Variants in KCTD19 observed in about 807,000 individuals in gnomAD.
KCTD19 encodes BTB/POZ domain-containing protein KCTD19.
In KCTD19, 67 loss-of-function variants were observed where a neutral mutation model predicts 103.5. That is an observed-to-expected ratio of 0.65 (90% CI 0.53 to 0.79). The LOEUF (loss-of-function observed/expected upper bound fraction) is 0.79, where lower values mean the gene tolerates loss of function less well. Ranked by LOEUF, KCTD19 falls within the 30% of genes least tolerant of loss-of-function variation. KCTD19 has a pLI of 0.00. For missense variants in KCTD19, 980 were observed against 1,136.1 expected (o/e 0.86, Z 1.98); for synonymous variants, 439 against 452.2 (o/e 0.97, Z 0.37).
chr16:67,307,298 A>T (rs1486827714), intron 2 of KCTD19, among the ~76,000 whole-genome samples: 1 of 150,328 alleles, frequency 6.7e-6, no homozygotes, highest in East Asian at 1.9e-4. Context: ...ACAGGTGCAC[A>T]TCACAACACC....
chr16:67,299,264 A>T (rs1269850892), intron 6 of KCTD19, 99 bp downstream of exon 6: 1 of 1,098,244 alleles, frequency 9.1e-7, no homozygotes, highest in Non-Finnish European at 1.4e-6. Context: ...CCAAGGACAC[A>T]CTTCACCTCT....
At position 67,294,056 on chromosome 16, in the gene KCTD19, C is replaced by T. The variant is rs752833909; in HGVS notation, c.1706G>A (p.Arg569Gln). ...NQMDEAEQYT[R>Q]PIQVSLCRNA... ...TCGGCATAGGGACACCTGGATGGGC[C>T]GAGTGTACTGCTCAGCCTCATCCAT... Residue 569 changes from arginine to glutamine, a missense_variant, in exon 12 of 16, where the codon CGG becomes CAG. Coordinates refer to ENST00000304372, the MANE Select transcript of KCTD19 (RefSeq NM_001100915.3). 8.1e-6 allele frequency: 13 copies of T among 1,614,000 alleles called. No individual in the cohort carries two copies. In the East Asian group the frequency reaches 1.3e-4, roughly 17 times the overall value.
In KCTD19 at chr16:67,293,129, G is replaced by T. The variant is rs148406985; in HGVS notation, c.2218+415C>A. Among the ~76,000 whole-genome samples the T allele has an allele frequency of 2.0e-5, 3 of 152,168 alleles. No homozygotes were observed. Among genetic ancestry groups the T allele is most frequent in the Non-Finnish European group, 1.5e-5 (1 of 68,038 alleles). ...CATCCTGGTCAGAATGGAGTACCAC[G>T]TCCTGAAGCTGGCCCACGAGGCCTG... On this transcript the variant is annotated intron_variant, in intron 12 of 15. Transcript: ENST00000304372. The surrounding 1 kb of genome is among the most constrained non-coding windows in gnomAD (Gnocchi z 4.0).
chr16:67,320,756 C>G lies in KCTD19; in HGVS notation c.133G>C (p.Ala45Pro), dbSNP rs769509958. ...CTCTGGCTTTCTGAAGAGGTCAAGG[C>G]TGAAGCCTCTTTCCACAGCAGGGAG... Reference protein sequence around the residue: ...PDSLLWKEASALTSSESQRLF... With the variant: ...PDSLLWKEASPLTSSESQRLF... The change falls in exon 2 of 16, where the codon GCC becomes CCC. Residue 45 changes from alanine (A) to proline (P), a missense_variant. Coordinates refer to ENST00000304372, the MANE Select transcript of KCTD19 (RefSeq NM_001100915.3). This position sits in a 1 kb window ranked among gnomAD's most constrained non-coding sequence, Gnocchi z 4.0. 1.2e-6 allele frequency: 2 copies of G among 1,614,068 alleles called. No homozygotes were observed. The highest frequency in any genetic ancestry group is 2.7e-5 in the African/African-American group (2 of 74,926).
In KCTD19 at chr16:67,304,456, G is replaced by T. The variant is rs2036870039; in HGVS notation, c.416C>A (p.Pro139His). Residue 139 changes from proline (P) to histidine (H), a missense_variant, in exon 3 of 16, where the codon CCC becomes CAC. Pro to His is a moderately conservative substitution (Grantham distance 77). Transcript: ENST00000304372. ...YWRTWKCISKPSEFPIKSPAF... is the reference protein window; with the variant it reads ...YWRTWKCISKHSEFPIKSPAF... ...TGGGCTTTTAATTGGAAATTCTGAG[G>T]GTTTGCTAATACACTTCCATGTACG... 1.2e-6 allele frequency: 2 copies of T among 1,613,848 alleles called. No homozygotes were observed. Among genetic ancestry groups the T allele is most frequent in the African/African-American group, 1.3e-5 (1 of 74,896 alleles).
chr16:67,293,696 T>G lies in KCTD19; in HGVS notation c.2066A>C (p.His689Pro), dbSNP rs2036727190. The change falls in exon 12 of 16, where the codon CAT (histidine) becomes CCT (proline). Residue 689 changes from histidine to proline, a missense_variant. Transcript: ENST00000304372. The surrounding 1 kb of genome is among the most constrained non-coding windows in gnomAD (Gnocchi z 4.0). ...QPSTSAAWKAHSTASEKDPGP... is the reference protein window; with the variant it reads ...QPSTSAAWKAPSTASEKDPGP... ...TGGATCCTTCTCTGAGGCTGTGGAATGGGCTTTCCAGGCAGCTGAGGTGCT... is the reference window on the plus strand; with the variant it reads ...TGGATCCTTCTCTGAGGCTGTGGAAGGGGCTTTCCAGGCAGCTGAGGTGCT... The G allele has an allele frequency of 1.2e-6, 2 of 1,614,106 alleles. No homozygotes were observed. The highest frequency in any genetic ancestry group is 1.7e-6 in the Non-Finnish European group (2 of 1,180,020).
intron 2 of KCTD19, among the ~76,000 whole-genome samples, chr16:67,313,149 G>A (rs1440722712): frequency 1.3e-5 from 2 of 149,826 alleles, no homozygotes; most frequent in Admixed American, 6.7e-5. Flanking sequence ...TCCCTCAGTC[G>A]CCCAGGCTGG....
intron 2 of KCTD19, among the ~76,000 whole-genome samples, chr16:67,311,588 A>G (rs1452903195): frequency 6.6e-6 from 1 of 152,102 alleles, no homozygotes; most frequent in African/African-American, 2.4e-5. Context: ...GGCGCGAGCC[A>G]CCGTCCCCAG....
intron 1 of KCTD19, among the ~76,000 whole-genome samples, chr16:67,324,976 G>GT (rs1340615323): frequency 6.6e-6 from 1 of 152,152 alleles, no homozygotes; most frequent in African/African-American, 2.4e-5. Flanking sequence ...AAGGCTGAAT[G>GT]TAACAAATGG....
chr16:67,319,124 G>A (rs1281756685), intron 2 of KCTD19, among the ~76,000 whole-genome samples: 1 of 152,010 alleles, frequency 6.6e-6, no homozygotes, highest in African/African-American at 2.4e-5. Flanking sequence ...TCAGGAGGCT[G>A]AGGCAGGAGA....
At chr16:67,318,174 C>T (rs2037032310) in intron 2 of KCTD19, among the ~76,000 whole-genome samples, 1 of 152,136 alleles carries the variant, frequency 6.6e-6, no homozygotes. Context: ...GGAGGCAGAG[C>T]CACATGATTC....
rs1242525486 is a variant in KCTD19, at chr16:67,297,496, C to T, written c.1147+7G>A. 1.9e-6 allele frequency: 3 copies of T among 1,613,728 alleles called. No individual in the cohort carries two copies. Among genetic ancestry groups the T allele is most frequent in the East Asian group, 2.2e-5 (1 of 44,878 alleles). On this transcript the variant is annotated splice_region_variant and intron_variant, in intron 7 of 15. Coordinates refer to ENST00000304372, the MANE Select transcript of KCTD19 (RefSeq NM_001100915.3). ...CTAAATTCAAACCTAGAAGCTTTCT[C>T]ACTTACTGAGCACATCCATGGGTGC...
At chr16:67,313,040 C>T (rs1347303458) in intron 2 of KCTD19, among the ~76,000 whole-genome samples, 1 of 152,120 alleles carries the variant, frequency 6.6e-6, no homozygotes, top group Non-Finnish European at 1.5e-5. Flanking sequence ...TGAGAGCAGC[C>T]ATAGACAACA....
Position 67,290,767 on chromosome 16 carries a change from T to C in KCTD19, c.2667+118A>G, listed in dbSNP as rs928549861. ...TTCTCCCTCCCTGGGAGCAGTGGCC[T>C]AAGCTGCCTGTCTAGCCTTCTGGGC... On this transcript the variant is annotated intron_variant, in intron 15 of 15. Coordinates refer to ENST00000304372, the MANE Select transcript of KCTD19 (RefSeq NM_001100915.3). The C allele has an allele frequency of 2.4e-5, 21 of 870,762 alleles. No individual in the cohort carries two copies. In the African/African-American group the frequency reaches 3.4e-4, roughly 14 times the overall value. 53.9% of individuals were successfully genotyped at this position (870,762 alleles called of 1,614,324 possible).
At chr16:67,315,408 C>T (rs189291580) in intron 2 of KCTD19, among the ~76,000 whole-genome samples, 60 of 151,854 alleles carry the variant, frequency 4.0e-4, no homozygotes, top group Admixed American at 8.5e-4. Flanking sequence ...TGGATTCAAG[C>T]GACACTCCTG....
At chr16:67,304,012 A>G (rs2036864715) in intron 3 of KCTD19, among the ~76,000 whole-genome samples, 1 of 152,244 alleles carries the variant, frequency 6.6e-6, no homozygotes, top group South Asian at 2.1e-4. Context: ...CCTGGAAGCT[A>G]AAATCCATCA....
At position 67,303,110 on chromosome 16, in the gene KCTD19, G is replaced by GGGGGGGGGGGGGGCC; in HGVS notation, c.643+35_643+36insGGCCCCCCCCCCCCC. 1.1e-6 allele frequency: 1 copy of GGGGGGGGGGGGGGCC among 947,050 alleles called. No homozygotes were observed. Among genetic ancestry groups the GGGGGGGGGGGGGGCC allele is most frequent in the Non-Finnish European group, 1.6e-6 (1 of 621,078 alleles). The allele number at this position is 947,050 out of a possible 1,614,324, so 58.7% of individuals were successfully genotyped here. A position where few individuals can be genotyped will look rare whatever the true frequency, so the allele number is the denominator to read the frequency against. On this transcript the variant is annotated intron_variant, in intron 4 of 15. Coordinates refer to ENST00000304372, the MANE Select transcript of KCTD19 (RefSeq NM_001100915.3). This position sits in a 1 kb window ranked among gnomAD's most constrained non-coding sequence, Gnocchi z 4.3. ...GGGGAGGGGTGAATGGGCCCTATCAGCCCGCCCCCCACCCCACCCCGGACA... is the reference window on the plus strand; with the variant it reads ...GGGGAGGGGTGAATGGGCCCTATCAGGGGGGGGGGGGGGCCCCCGCCCCCCACCCCACCCCGGACA...
chr16:67,303,114 G>GGCCCCC lies in KCTD19; in HGVS notation c.643+31_643+32insGGGGGC. 1 of 1,097,066 alleles carries GGCCCCC rather than the reference G, an allele frequency of 9.1e-7. No individual in the cohort carries two copies. Among genetic ancestry groups the GGCCCCC allele is most frequent in the Non-Finnish European group, 1.3e-6 (1 of 782,072 alleles). The allele number at this position is 1,097,066 out of a possible 1,614,324, so 68.0% of individuals were successfully genotyped here. A position where few individuals can be genotyped will look rare whatever the true frequency, so the allele number is the denominator to read the frequency against. On this transcript the variant is annotated intron_variant, in intron 4 of 15. Coordinates refer to ENST00000304372, the MANE Select transcript of KCTD19 (RefSeq NM_001100915.3). The surrounding 1 kb of genome is among the most constrained non-coding windows in gnomAD (Gnocchi z 4.3). ...AGGGGTGAATGGGCCCTATCAGCCCGCCCCCCACCCCACCCCGGACAGAGC... is the reference window on the plus strand; with the variant it reads ...AGGGGTGAATGGGCCCTATCAGCCCGGCCCCCCCCCCCACCCCACCCCGGACAGAGC...
At position 67,323,177 on chromosome 16, in the gene KCTD19, A is replaced by T. The variant is rs528812820; in HGVS notation, c.4-2292T>A. 6.6e-6 allele frequency among the ~76,000 whole-genome samples: 1 copy of T among 152,234 alleles called. No homozygotes were observed. ...ATGTAAAGCATGGAGTTATTCTACT[A>T]TGAGCCAGCAATTCCACTCCTAGGT... On this transcript the variant is annotated intron_variant, in intron 1 of 15. Transcript: ENST00000304372. This position sits in a 1 kb window ranked among gnomAD's most constrained non-coding sequence, Gnocchi z 4.1.
Sources: allele counts gnomAD v4.1 joint callset (sites outside exome capture counted in the v4.1 genomes callset), GRCh38; gene constraint gnomAD v4.1.1; non-coding constraint Gnocchi (gnomAD v3.1); transcripts MANE v1.5; gene names NCBI Gene and HGNC (gene_info 2026-07-23, HGNC 2026-07-21).